Variants in ZC3H14 observed in about 807,000 individuals in gnomAD.
The protein encoded by ZC3H14 is zinc finger CCCH-type containing 14, also known as zinc finger CCCH domain-containing protein 14.
In ZC3H14, 31 loss-of-function variants were observed where a neutral mutation model predicts 92.4. The ratio of observed to expected loss-of-function variants is 0.34; its 90% CI spans 0.25 to 0.45. The LOEUF (loss-of-function observed/expected upper bound fraction) is 0.45, where lower values mean the gene tolerates loss of function less well. Among genes scored for constraint, ZC3H14 ranks in the 20% least tolerant of loss-of-function variants. ZC3H14 has a pLI of 1.00. For missense variants in ZC3H14, 781 were observed against 897.3 expected, an observed-to-expected ratio of 0.87 and a Z score of 1.66; for synonymous variants, 321 against 300.9, an observed-to-expected ratio of 1.07 and a Z score of -0.69.
At chr14:88,586,661 T>C (rs544259806) in intron 9 of ZC3H14, 131 of 152,336 alleles carry the variant, frequency 8.6e-4, no homozygotes, top group African/African-American at 3.1e-3. Flanking sequence ...AGGCGTGGAT[T>C]TCCTTTTATT....
chr14:88,609,910 T>G (rs1219561836), intron 15 of ZC3H14, 107 bp downstream of exon 15: 3 of 1,228,752 alleles, frequency 2.4e-6, no homozygotes. Flanking sequence ...TAATTGCGAT[T>G]TTTGCCAGTA....
At chr14:88,574,980 A>G in intron 7 of ZC3H14, 127 bp downstream of exon 7, 1 of 1,424,790 alleles carries the variant, frequency 7.0e-7, no homozygotes, top group Non-Finnish European at 9.6e-7. Flanking sequence ...TCTGTCAACC[A>G]GGCTGGAGTG....
intron 10 of ZC3H14, among the ~76,000 whole-genome samples, chr14:88,598,022 G>A (rs1254369278): frequency 6.6e-6 from 1 of 151,962 alleles, no homozygotes; most frequent in Non-Finnish European, 1.5e-5. Flanking sequence ...AATACTCTTT[G>A]TTATTTCTCT....
intron 9 of ZC3H14, among the ~76,000 whole-genome samples, chr14:88,584,480 CTT>C (rs1442667482): frequency 1.3e-5 from 2 of 152,184 alleles, no homozygotes; most frequent in Admixed American, 6.5e-5. Context: ...CAAACACAGA[CTT>C]TACATGATAC....
chr14:88,583,535 T>G (rs1482838320), intron 9 of ZC3H14, among the ~76,000 whole-genome samples: 1 of 152,220 alleles, frequency 6.6e-6, no homozygotes, highest in Non-Finnish European at 1.5e-5. Context: ...TCATCATGTT[T>G]TCATTATCAG....
chr14:88,616,965 T>G lies in ZC3H14; in HGVS notation c.*5214T>G. 129 of 1,257,300 alleles carry G rather than the reference T, an allele frequency of 1.0e-4. No individual in the cohort carries two copies. The highest frequency in any genetic ancestry group is 1.3e-4 in the Non-Finnish European group (118 of 888,186). 77.9% of individuals were successfully genotyped at this position (1,257,300 alleles called of 1,614,324 possible). A position where few individuals can be genotyped will look rare whatever the true frequency, so the allele number is the denominator to read the frequency against. On this transcript the variant is annotated 3_prime_UTR_variant, in exon 17 of 17. Coordinates refer to ENST00000251038, the MANE Select transcript of ZC3H14 (RefSeq NM_024824.5). ...AAAAAGTTTCTTGGCAATTAATCTC[T>G]AAGTACCCTATCATGTTACTTAAAA... is the stretch of plus-strand genomic sequence containing the variant.
rs761143691 is a variant in ZC3H14, at chr14:88,625,044, A to T, written c.*13293A>T. The T allele has an allele frequency of 6.2e-7, 1 of 1,613,276 alleles. No individual in the cohort carries two copies. Among genetic ancestry groups the T allele is most frequent in the East Asian group, 2.2e-5 (1 of 44,824 alleles). ...ACATGGCAAACACAGGCCCGTTGTG[A>T]GCTCTCGCCACGATTCTACACAATA... is the stretch of plus-strand genomic sequence containing the variant. On this transcript the variant is annotated 3_prime_UTR_variant, in exon 17 of 17. Coordinates refer to ENST00000251038, the MANE Select transcript of ZC3H14 (RefSeq NM_024824.5).
Position 88,621,068 on chromosome 14 carries a change from T to A in ZC3H14, c.*9317T>A. The A allele has an allele frequency of 6.4e-7, 1 of 1,557,554 alleles. No homozygotes were observed. The highest frequency in any genetic ancestry group is 8.7e-7 in the Non-Finnish European group (1 of 1,153,700). On this transcript the variant is annotated 3_prime_UTR_variant, in exon 17 of 17. Transcript: ENST00000251038. ...AGCAATTTAGAACTTCCAACTTTTC[T>A]TTTTAGAAGTTGTAACCTCTTTTAA...
chr14:88,600,077 G>C (rs187538840), intron 10 of ZC3H14, among the ~76,000 whole-genome samples: 68 of 152,320 alleles, frequency 4.5e-4, no homozygotes, highest in African/African-American at 1.5e-3. Flanking sequence ...TCTTAAACAT[G>C]GGAGAGTCCC....
intron 9 of ZC3H14, among the ~76,000 whole-genome samples, chr14:88,586,954 C>T (rs1311276014): frequency 6.6e-6 from 1 of 152,092 alleles, no homozygotes; most frequent in Admixed American, 6.6e-5. Flanking sequence ...ACTGTTTCTT[C>T]ATTGACCAAC....
chr14:88,578,920 G>T (rs890858006), intron 9 of ZC3H14, among the ~76,000 whole-genome samples: 1 of 149,076 alleles, frequency 6.7e-6, no homozygotes, highest in Non-Finnish European at 1.5e-5. Context: ...TCATTACCCA[G>T]AACTAACGCT....
chr14:88,569,808 A>G (rs1367763073), intron 3 of ZC3H14, among the ~76,000 whole-genome samples: 2 of 152,214 alleles, frequency 1.3e-5, no homozygotes, highest in East Asian at 3.8e-4. Flanking sequence ...AATTCTGCAC[A>G]GAATTCTCTG....
chr14:88,573,724 T>C (rs2080792227), intron 6 of ZC3H14: 5 of 152,228 alleles, frequency 3.3e-5, no homozygotes, highest in Admixed American at 3.3e-4. Context: ...CAAGTGATTC[T>C]TCTGATTCAG....
intron 2 of ZC3H14, among the ~76,000 whole-genome samples, chr14:88,564,864 T>A (rs2079364994): frequency 6.6e-6 from 1 of 152,196 alleles, no homozygotes; most frequent in South Asian, 2.1e-4. Context: ...CTGAGGAAAA[T>A]CATTTTAGTT....
intron 6 of ZC3H14, chr14:88,573,749 G>A (rs1022852441): frequency 6.6e-6 from 1 of 152,106 alleles, no homozygotes; most frequent in Admixed American, 6.6e-5. Context: ...CTGAATAGCT[G>A]GGATTACAGG....
intron 3 of ZC3H14, 35 bp from the exon 4 acceptor site, chr14:88,571,049 G>A: frequency 1.3e-6 from 2 of 1,500,852 alleles, no homozygotes; most frequent in Non-Finnish European, 1.8e-6. Context: ...TTTCTTAACA[G>A]AAGGTTTATT....
At chr14:88,575,213 C>T (rs752015889) in intron 7 of ZC3H14, among the ~76,000 whole-genome samples, 1 of 152,072 alleles carries the variant, frequency 6.6e-6, no homozygotes, top group African/African-American at 2.4e-5. Flanking sequence ...GTTGGGATTA[C>T]AGGCATGAGC....
At position 88,563,182 on chromosome 14, in the gene ZC3H14, C is replaced by T; in HGVS notation, c.36+13C>T. The T allele has an allele frequency of 1.2e-6, 2 of 1,602,496 alleles. No individual in the cohort carries two copies. The highest frequency in any genetic ancestry group is 1.7e-5 in the Admixed American group (1 of 59,072). On this transcript the variant is annotated intron_variant, in intron 1 of 16. Transcript: ENST00000251038. ...CCGCAAGATCCGGGTGAGGCCCGTGCCGGTCGGGGGTGGGAAGCCAGGTCT... is the reference window on the plus strand; with the variant it reads ...CCGCAAGATCCGGGTGAGGCCCGTGTCGGTCGGGGGTGGGAAGCCAGGTCT...
rs763002922 is a variant in ZC3H14, at chr14:88,607,395, G to A, written c.1868+32G>A. ...ACCATCCCCCCATCTCACCCTGCAA[G>A]TGAGTACCATCCCCCCATCTCACCC... On this transcript the variant is annotated intron_variant, in intron 13 of 16. Transcript: ENST00000251038. 2.0e-6 allele frequency: 3 copies of A among 1,513,076 alleles called. No homozygotes were observed. The South Asian group carries it at 3.4e-5, about 17-fold the overall frequency. The allele number at this position is 1,513,076 out of a possible 1,614,324, so 93.7% of individuals were successfully genotyped here.
Sources: gnomAD v4.1 joint callset for allele counts (sites outside exome capture counted in the v4.1 genomes callset) on GRCh38, gnomAD v4.1.1 for gene constraint, MANE v1.5 for transcripts, NCBI Gene and HGNC (gene_info 2026-07-23, HGNC 2026-07-21) for gene names.